The following TMEFF2 variants were observed in gnomAD, a reference collection of about 807,000 sequenced individuals.
TMEFF2 encodes tomoregulin-2.
A neutral mutation model predicts 53.8 loss-of-function variants in TMEFF2; 28 were observed. The ratio of observed to expected loss-of-function variants is 0.52; its 90% CI spans 0.39 to 0.71. The LOEUF is 0.71. Among genes scored for constraint, TMEFF2 ranks in the 30% least tolerant of loss-of-function variants. The pLI, the probability that TMEFF2 is intolerant of heterozygous loss-of-function variation, is 0.00. For missense variants in TMEFF2, 353 were observed against 455.2 expected (o/e 0.78, Z 2.04); for synonymous variants, 162 against 166.3 (o/e 0.97, Z 0.20).
chr2:192,168,102 G>C (rs1690815408), intron 4 of TMEFF2, among the ~76,000 whole-genome samples: 1 of 151,966 alleles, frequency 6.6e-6, no homozygotes, highest in African/African-American at 2.4e-5. Flanking sequence ...TCAGATGGAG[G>C]CTCCATTTTT....
At chr2:191,998,952 C>T (rs1177614972) in intron 6 of TMEFF2, 108 bp downstream of exon 6, 2 of 1,164,790 alleles carry the variant, frequency 1.7e-6, no homozygotes, top group Non-Finnish European at 2.4e-6. Context: ...TAAATAAGCA[C>T]TGCATTTTGG....
intron 5 of TMEFF2, chr2:192,035,189 T>C (rs533962528): frequency 6.6e-6 from 1 of 152,348 alleles, no homozygotes; most frequent in East Asian, 1.9e-4. Context: ...TGTTTGTTTA[T>C]GCTCTATATC....
intron 4 of TMEFF2, among the ~76,000 whole-genome samples, chr2:192,070,548 A>G (rs912541480): frequency 6.6e-6 from 1 of 151,926 alleles, no homozygotes; most frequent in Non-Finnish European, 1.5e-5. Context: ...AAAGTCTTTC[A>G]TGATTTTCCC....
chr2:192,029,675 G>C (rs556242884), intron 5 of TMEFF2, among the ~76,000 whole-genome samples: 1 of 152,072 alleles, frequency 6.6e-6, no homozygotes, highest in South Asian at 2.1e-4. Context: ...ACCCCAAAGA[G>C]CTTTTATTTA....
intron 5 of TMEFF2, among the ~76,000 whole-genome samples, chr2:192,048,872 A>T (rs1687691847): frequency 6.6e-6 from 1 of 152,208 alleles, no homozygotes; most frequent in South Asian, 2.1e-4. Context: ...ATGCAACCTT[A>T]AGTCTAGTAA....
chr2:191,963,303 A>G (rs562632766), intron 7 of TMEFF2, among the ~76,000 whole-genome samples: 2 of 152,186 alleles, frequency 1.3e-5, no homozygotes, highest in East Asian at 1.9e-4. Context: ...AACTAAATCT[A>G]TGCATTTTTG....
At chr2:192,107,823 A>G (rs1689184968) in intron 4 of TMEFF2, among the ~76,000 whole-genome samples, 1 of 151,804 alleles carries the variant, frequency 6.6e-6, no homozygotes, top group African/African-American at 2.4e-5. Flanking sequence ...GTATGTCAGT[A>G]GTGCAGAACA....
At chr2:192,037,277 G>GAAAT (rs1420721021) in intron 5 of TMEFF2, among the ~76,000 whole-genome samples, 1 of 95,754 alleles carries the variant, frequency 1.0e-5, no homozygotes, top group East Asian at 2.6e-4. Flanking sequence ...CCAAAATAAA[G>GAAAT]AAAGAAAGAA....
At chr2:192,148,045 A>G (rs1690297355) in intron 4 of TMEFF2, among the ~76,000 whole-genome samples, 1 of 152,020 alleles carries the variant, frequency 6.6e-6, no homozygotes, top group Admixed American at 6.6e-5. Context: ...ATTGCTTGTA[A>G]TGAGTGGAAA....
intron 9 of TMEFF2, among the ~76,000 whole-genome samples, chr2:191,951,582 A>AAAT (rs1235014566): frequency 3.9e-5 from 6 of 152,112 alleles, no homozygotes; most frequent in Non-Finnish European, 5.9e-5. Context: ...ACCTATTTTG[A>AAAT]AATAGGTCTT....
intron 5 of TMEFF2, chr2:192,043,750 G>C (rs929487605): frequency 2.0e-5 from 3 of 152,250 alleles, no homozygotes; most frequent in African/African-American, 7.2e-5. Context: ...ACGATGGTAG[G>C]AAAAGATAAG....
Position 192,192,003 on chromosome 2 carries a change from A to G in TMEFF2, c.173-14T>C. 1.3e-6 allele frequency: 2 copies of G among 1,534,948 alleles called. No homozygotes were observed. The highest frequency in any genetic ancestry group is 1.7e-4 in the Middle Eastern group (1 of 5,902). On this transcript the variant is annotated splice_polypyrimidine_tract_variant and intron_variant, in intron 1 of 9. Coordinates refer to ENST00000272771, the MANE Select transcript of TMEFF2 (RefSeq NM_016192.4). ...TGTCATCATAACCTCAAATTCAAAG[A>G]GAACACTCCAGTCATTAAAACATCT...
At chr2:191,984,925 AAAT>A (rs1359285603) in intron 7 of TMEFF2, among the ~76,000 whole-genome samples, 1 of 152,096 alleles carries the variant, frequency 6.6e-6, no homozygotes, top group Non-Finnish European at 1.5e-5. Context: ...TAATTTTTAA[AAAT>A]ATTACCCAGT....
intron 5 of TMEFF2, among the ~76,000 whole-genome samples, chr2:191,999,970 A>G (rs1302234311): frequency 6.6e-6 from 1 of 151,936 alleles, no homozygotes; most frequent in Non-Finnish European, 1.5e-5. Flanking sequence ...GTTGATTGCC[A>G]CTCATGATGT....
At position 191,986,670 on chromosome 2, in the gene TMEFF2, C is replaced by T. The variant is rs187817253; in HGVS notation, c.745+11592G>A. 3.9e-3 allele frequency among the ~76,000 whole-genome samples: 588 copies of T among 151,284 alleles called. 3 individuals carry two copies. The highest frequency in any genetic ancestry group is 0.014 in the African/African-American group (571 of 41,194). On this transcript the variant is annotated intron_variant, in intron 7 of 9. Coordinates refer to ENST00000272771, the MANE Select transcript of TMEFF2 (RefSeq NM_016192.4). ...GTCAGGAGTTTGAGACCAGCCTGAC[C>T]AACATGGTAAAACCATGTATCTACT...
intron 4 of TMEFF2, among the ~76,000 whole-genome samples, chr2:192,098,115 A>G (rs1688956325): frequency 6.6e-6 from 1 of 152,186 alleles, no homozygotes; most frequent in Admixed American, 6.5e-5. Flanking sequence ...TAAAAATAAT[A>G]TTCTCAAATT....
intron 2 of TMEFF2, 109 bp from the exon 3 acceptor site, chr2:192,184,592 A>C (rs1691266930): frequency 7.3e-7 from 1 of 1,378,772 alleles, no homozygotes; most frequent in African/African-American, 1.4e-5. Flanking sequence ...CTTCATTTTC[A>C]ATGATTCTAA....
intron 4 of TMEFF2, among the ~76,000 whole-genome samples, chr2:192,159,897 A>G (rs1690592025): frequency 6.6e-6 from 1 of 152,170 alleles, no homozygotes; most frequent in African/African-American, 2.4e-5. Flanking sequence ...CAAAGTCTGA[A>G]CCAAGAACTT....
intron 1 of TMEFF2, among the ~76,000 whole-genome samples, chr2:192,193,760 A>G (rs1317892643): frequency 7.5e-5 from 1 of 13,394 alleles, no homozygotes; most frequent in African/African-American, 2.3e-4. Flanking sequence ...AGATAGATAG[A>G]TAGAGAGAGA....
Sources: gnomAD v4.1 joint callset for allele counts (sites outside exome capture counted in the v4.1 genomes callset) on GRCh38, gnomAD v4.1.1 for gene constraint, MANE v1.5 for transcripts, NCBI Gene and HGNC (gene_info 2026-07-23, HGNC 2026-07-21) for gene names.